The following HMGCLL1 variants were observed in gnomAD, a reference collection of about 807,000 sequenced individuals.
HMGCLL1 encodes the protein 3-hydroxymethyl-3-methylglutaryl-CoA lyase, cytoplasmic.
In HMGCLL1, 36 loss-of-function variants were observed where a neutral mutation model predicts 39.1. That is an observed-to-expected ratio of 0.92 (90% confidence interval 0.71 to 1.22). The LOEUF is 1.22. Ranked by LOEUF, HMGCLL1 falls within the 50% of genes most tolerant of loss-of-function variation. HMGCLL1 has a pLI of 0.00. For synonymous variants in HMGCLL1, 149 were observed against 144.0 expected (o/e 1.03, Z -0.25); for missense variants, 451 against 416.5 (o/e 1.08, Z -0.72).
intron 1 of HMGCLL1, among the ~76,000 whole-genome samples, chr6:55,546,752 G>A (rs1770000252): frequency 6.6e-6 from 1 of 152,000 alleles, no homozygotes; most frequent in Non-Finnish European, 1.5e-5. Context: ...TCTTAAACAG[G>A]CCAATAGTCT....
At chr6:55,536,095 C>A (rs1561943759) in intron 3 of HMGCLL1, among the ~76,000 whole-genome samples, 1 of 152,226 alleles carries the variant, frequency 6.6e-6, no homozygotes, top group Admixed American at 6.5e-5. Context: ...GTATCACACA[C>A]CAAAAGGAGA....
chr6:55,638,061 CA>C, the HMGCLL1 span, among the ~76,000 whole-genome samples: 2 of 151,976 alleles, frequency 1.3e-5, no homozygotes, highest in African/African-American at 4.8e-5. Context: ...ATTAAGTCTC[CA>C]TTGCAATTGT....
chr6:55,501,336 C>T (rs1209192297), intron 5 of HMGCLL1, among the ~76,000 whole-genome samples: 1 of 151,856 alleles, frequency 6.6e-6, no homozygotes, highest in African/African-American at 2.4e-5. Context: ...TAGAATACAG[C>T]CATGCCCATC....
chr6:55,605,823 G>A, the HMGCLL1 span, among the ~76,000 whole-genome samples: 3 of 152,004 alleles, frequency 2.0e-5, no homozygotes, highest in Non-Finnish European at 4.4e-5. Context: ...CACTACAAAT[G>A]TTGCAATATT....
At chr6:55,491,143 C>G (rs1023286410) in intron 7 of HMGCLL1, among the ~76,000 whole-genome samples, 6 of 152,166 alleles carry the variant, frequency 3.9e-5, no homozygotes, top group African/African-American at 1.2e-4. Context: ...AAATATAGAA[C>G]TGAGAAACAA....
upstream of HMGCLL1, among the ~76,000 whole-genome samples, chr6:55,580,479 G>A (rs187170396): frequency 1.7e-3 from 229 of 133,802 alleles, 7 homozygotes; most frequent in East Asian, 0.047. Flanking sequence ...GCAGTGGCGC[G>A]ATGTCGGCTC....
At chr6:55,508,819 T>C (rs1002767956) in intron 5 of HMGCLL1, among the ~76,000 whole-genome samples, 6 of 151,908 alleles carry the variant, frequency 3.9e-5, no homozygotes, top group Non-Finnish European at 5.9e-5. Flanking sequence ...ACCACTAACT[T>C]TCTTGAAATT....
At chr6:55,650,110 T>TACACACATATAC in the HMGCLL1 span, among the ~76,000 whole-genome samples, 3 of 74,506 alleles carry the variant, frequency 4.0e-5, no homozygotes, top group South Asian at 1.0e-3. Context: ...TATATATATA[T>TACACACATATAC]ATATATATAT....
rs139000011 is a variant in HMGCLL1 at position 55,544,995 on chromosome 6, T to C, written c.109-2855A>G. On this transcript the variant is annotated intron_variant, in intron 1 of 8. Coordinates refer to ENST00000274901, the MANE Select transcript of HMGCLL1 (RefSeq NM_001042406.2). ...TTTCAACAGAACAATAAATAAAATA[T>C]ATGACATGGGAAGGTGAAGTAAATA... Among the ~76,000 whole-genome samples the C allele has an allele frequency of 3.0e-3, 453 of 152,126 alleles. 3 individuals are homozygous for C. The highest frequency in any genetic ancestry group is 0.01 in the African/African-American group (422 of 41,512).
chr6:55,536,914 ATT>A (rs1222521967), intron 3 of HMGCLL1, among the ~76,000 whole-genome samples: 4 of 152,224 alleles, frequency 2.6e-5, no homozygotes, highest in African/African-American at 9.6e-5. Flanking sequence ...CTAGAGGACT[ATT>A]CCCATGACCT....
upstream of HMGCLL1, among the ~76,000 whole-genome samples, chr6:55,581,314 G>C (rs539043716): frequency 6.6e-6 from 1 of 152,092 alleles, no homozygotes; most frequent in South Asian, 2.1e-4. Flanking sequence ...AAATATAAAA[G>C]TATTTGTTTT....
At chr6:55,562,458 A>C (rs1198474211) in intron 1 of HMGCLL1, among the ~76,000 whole-genome samples, 3 of 152,126 alleles carry the variant, frequency 2.0e-5, no homozygotes, top group African/African-American at 7.2e-5. Flanking sequence ...TACTTCGAAA[A>C]AAATGAGAGA....
chr6:55,675,518 T>C, the HMGCLL1 span, among the ~76,000 whole-genome samples: 1 of 152,240 alleles, frequency 6.6e-6, no homozygotes, highest in South Asian at 2.1e-4. Flanking sequence ...CAATGATTGA[T>C]TCTTTTCTAA....
chr6:55,513,938 T>C (rs1260047433), intron 5 of HMGCLL1, 110 bp downstream of exon 5: 4 of 914,872 alleles, frequency 4.4e-6, no homozygotes, highest in Admixed American at 5.6e-5. Context: ...AATAGAAATA[T>C]GATATTCTAT....
At chr6:55,606,670 TTC>T in the HMGCLL1 span, among the ~76,000 whole-genome samples, 2 of 152,196 alleles carry the variant, frequency 1.3e-5, no homozygotes, top group Non-Finnish European at 2.9e-5. Flanking sequence ...ATTAGTTTTA[TTC>T]TGTGTTGTAG....
chr6:55,656,267 C>A, the HMGCLL1 span, among the ~76,000 whole-genome samples: 1 of 152,090 alleles, frequency 6.6e-6, no homozygotes, highest in South Asian at 2.1e-4. Flanking sequence ...CTAACCTAAC[C>A]CTAAGTTTCT....
rs1771908518 is a variant in HMGCLL1 at position 55,579,029 on chromosome 6, C to G, written c.27G>C (p.Lys9Asn). 6.2e-7 allele frequency: 1 copy of G among 1,612,716 alleles called. No individual in the cohort carries two copies. Among genetic ancestry groups the G allele is most frequent in the Admixed American group, 1.7e-5 (1 of 59,954 alleles). Residue 9 changes from lysine to asparagine, a missense_variant, in exon 1 of 9, where the codon AAG (lysine) becomes AAC (asparagine). Coordinates refer to ENST00000274901, the MANE Select transcript of HMGCLL1 (RefSeq NM_001042406.2). ...GAAGCTGCTGGTAGCTGAGGCAGTGCTTCACCGCGGATGGCACATTCCCCA... is the reference window on the plus strand; with the variant it reads ...GAAGCTGCTGGTAGCTGAGGCAGTGGTTCACCGCGGATGGCACATTCCCCA... MGNVPSAV[K>N]HCLSYQQLLR...
intron 7 of HMGCLL1, among the ~76,000 whole-genome samples, chr6:55,481,786 TTATC>T (rs558006557): frequency 9.4e-5 from 14 of 149,320 alleles, no homozygotes; most frequent in Non-Finnish European, 1.2e-4. Flanking sequence ...GCAATCAATC[TTATC>T]TATCTATCTA....
chr6:55,460,306 A>T (rs899130962), intron 7 of HMGCLL1, among the ~76,000 whole-genome samples: 1 of 151,984 alleles, frequency 6.6e-6, no homozygotes, highest in Admixed American at 6.6e-5. Flanking sequence ...AATATATATA[A>T]AACCAAAAAT....
Sources: gnomAD v4.1 joint callset for allele counts (sites outside exome capture counted in the v4.1 genomes callset) on GRCh38, gnomAD v4.1.1 for gene constraint, MANE v1.5 for transcripts, NCBI Gene and HGNC (gene_info 2026-07-23, HGNC 2026-07-21) for gene names.